ELL2: variants seen among roughly 807,000 people sequenced by gnomAD.
ELL2 encodes the protein elongation factor for RNA polymerase II 2.
Under a neutral mutation model 72.8 loss-of-function variants are expected in ELL2, and 21 were observed. That is an observed-to-expected ratio of 0.29 (90% CI 0.20 to 0.42). The LOEUF (loss-of-function observed/expected upper bound fraction) is 0.42, where lower values mean the gene tolerates loss of function less well. Ranked by LOEUF, ELL2 falls within the 10% of genes least tolerant of loss-of-function variation. The pLI is 1.00. For missense variants in ELL2, 568 were observed against 772.8 expected (o/e 0.73, Z 3.14); for synonymous variants, 266 against 283.2 (o/e 0.94, Z 0.61).
intron 2 of ELL2, among the ~76,000 whole-genome samples, chr5:95,936,172 T>C (rs1005058385): frequency 2.0e-5 from 3 of 152,248 alleles, no homozygotes; most frequent in Admixed American, 2.0e-4. Context: ...AGCTATGTGA[T>C]GTAAAACAGT....
chr5:95,909,020 C>T (rs555720027), intron 4 of ELL2, among the ~76,000 whole-genome samples: 1 of 152,226 alleles, frequency 6.6e-6, no homozygotes, highest in East Asian at 1.9e-4. Context: ...TTTCAGGTGC[C>T]CTACCTCCTC....
intron 1 of ELL2, among the ~76,000 whole-genome samples, chr5:95,958,988 A>G (rs1301839887): frequency 1.3e-5 from 2 of 152,130 alleles, no homozygotes; most frequent in Non-Finnish European, 1.5e-5. Flanking sequence ...CTACTGGTAT[A>G]TAAATGCAGG....
intron 2 of ELL2, among the ~76,000 whole-genome samples, chr5:95,942,078 T>C (rs543304607): frequency 1.3e-5 from 2 of 152,328 alleles, no homozygotes; most frequent in East Asian, 1.9e-4. Context: ...TTGGCCTGTG[T>C]TGAATGATGT....
chr5:95,919,110 A>G (rs1456257923), intron 3 of ELL2, among the ~76,000 whole-genome samples: 1 of 152,192 alleles, frequency 6.6e-6, no homozygotes, highest in Non-Finnish European at 1.5e-5. Flanking sequence ...TCAATGAATT[A>G]AATATTTCTA....
chr5:95,920,248 T>G (rs948932077), intron 2 of ELL2, among the ~76,000 whole-genome samples: 3 of 151,230 alleles, frequency 2.0e-5, no homozygotes, highest in Admixed American at 6.6e-5. Flanking sequence ...TTCTTTGTTG[T>G]TGTTGTTATT....
At chr5:95,955,888 T>C (rs571194100) in intron 1 of ELL2, among the ~76,000 whole-genome samples, 100 of 152,028 alleles carry the variant, frequency 6.6e-4, no homozygotes, top group African/African-American at 2.3e-3. Flanking sequence ...GCTCCTAAGC[T>C]TCTCTGTTGC....
At chr5:95,907,486 G>A (rs1392314498) in intron 4 of ELL2, among the ~76,000 whole-genome samples, 5 of 151,990 alleles carry the variant, frequency 3.3e-5, no homozygotes, top group African/African-American at 1.2e-4. Flanking sequence ...GGCCAGTGCT[G>A]TTCATGTGGT....
Position 95,932,225 on chromosome 5 carries a change from C to T in ELL2, c.195+10777G>A, listed in dbSNP as rs80174773. Among the ~76,000 whole-genome samples the T allele has an allele frequency of 4.4e-4, 67 of 152,170 alleles. No homozygotes were observed. In the East Asian group the frequency reaches 0.012, roughly 27 times the overall value. The stretch of plus-strand genomic sequence containing the variant: ...TCACATGTATAAAGCTATTGATATG[C>T]ACAACACATCAAGAGCTAAATTAGA... On this transcript the variant is annotated intron_variant, in intron 2 of 11. Transcript: ENST00000237853.
chr5:95,912,137 G>C (rs1263653079), intron 4 of ELL2, among the ~76,000 whole-genome samples: 3 of 152,222 alleles, frequency 2.0e-5, no homozygotes, highest in Non-Finnish European at 2.9e-5. Flanking sequence ...TGTATGGACT[G>C]TGGGATTTTG....
chr5:95,923,801 A>G (rs1253911140), intron 2 of ELL2, among the ~76,000 whole-genome samples: 1 of 152,240 alleles, frequency 6.6e-6, no homozygotes, highest in Non-Finnish European at 1.5e-5. Context: ...CAAATTTTAC[A>G]TCCTTAAAAT....
chr5:95,942,555 C>A (rs529948153), intron 2 of ELL2, among the ~76,000 whole-genome samples: 1 of 152,178 alleles, frequency 6.6e-6, no homozygotes, highest in African/African-American at 2.4e-5. Flanking sequence ...ATGAAAAACT[C>A]AATTTCTACT....
chr5:95,952,643 C>T (rs1751460091), intron 1 of ELL2, among the ~76,000 whole-genome samples: 1 of 152,124 alleles, frequency 6.6e-6, no homozygotes, highest in African/African-American at 2.4e-5. Flanking sequence ...TTGAGAAAAA[C>T]TCCTAAAAGG....
chr5:95,929,718 A>G (rs1352691339), intron 2 of ELL2, among the ~76,000 whole-genome samples: 1 of 151,992 alleles, frequency 6.6e-6, no homozygotes, highest in African/African-American at 2.4e-5. Context: ...ATGACTTAAG[A>G]ATCTGTTGAG....
intron 1 of ELL2, among the ~76,000 whole-genome samples, chr5:95,958,183 C>G (rs2112364452): frequency 6.6e-6 from 1 of 152,274 alleles, no homozygotes; most frequent in South Asian, 2.1e-4. Context: ...CATTTTCCCC[C>G]CAGAGAGAAC....
chr5:95,946,916 G>A (rs1453087279), intron 1 of ELL2, among the ~76,000 whole-genome samples: 2 of 151,742 alleles, frequency 1.3e-5, no homozygotes, highest in Admixed American at 6.6e-5. Context: ...TGGATGTAAG[G>A]CAACAAGGAG....
At chr5:95,943,267 A>T (rs1033045622) in intron 1 of ELL2, among the ~76,000 whole-genome samples, 2 of 73,494 alleles carry the variant, frequency 2.7e-5, no homozygotes, top group African/African-American at 9.7e-5. Context: ...ATCTCTATTT[A>T]AAAAAAAAAA....
At chr5:95,950,892 A>G (rs1751347466) in intron 1 of ELL2, among the ~76,000 whole-genome samples, 1 of 97,310 alleles carries the variant, frequency 1.0e-5, no homozygotes, top group Admixed American at 1.2e-4. Context: ...ATATATATGT[A>G]TGTATGTATG....
chr5:95,925,290 C>T (rs1355874402), intron 2 of ELL2, among the ~76,000 whole-genome samples: 3 of 152,146 alleles, frequency 2.0e-5, no homozygotes, highest in Admixed American at 6.5e-5. Context: ...TATAGCTGAG[C>T]GGGCCAAGAT....
At chr5:95,916,290 G>A (rs1749795392) in intron 3 of ELL2, among the ~76,000 whole-genome samples, 1 of 152,094 alleles carries the variant, frequency 6.6e-6, no homozygotes, top group Non-Finnish European at 1.5e-5. Context: ...TGGGAGACAG[G>A]ACTGGGACAA....
Sources: allele counts gnomAD v4.1 joint callset (sites outside exome capture counted in the v4.1 genomes callset), GRCh38; gene constraint gnomAD v4.1.1; transcripts MANE v1.5; gene names NCBI Gene and HGNC (gene_info 2026-07-23, HGNC 2026-07-21).